Variants in CCNE1 observed in about 807,000 individuals in gnomAD.
CCNE1 encodes cyclin E1.
Under a neutral mutation model 54.1 loss-of-function variants are expected in CCNE1, and 8 were observed. The ratio of observed to expected loss-of-function variants is 0.15; its 90% CI spans 0.09 to 0.27. The LOEUF is 0.27. Ranked by LOEUF, CCNE1 falls within the 10% of genes least tolerant of loss-of-function variation. The probability of loss-of-function intolerance (pLI) is 1.00; values close to 1 mark genes in which losing one functional copy is unlikely to be tolerated. For missense variants in CCNE1, 430 were observed against 514.9 expected (o/e 0.84, Z 1.60); for synonymous variants, 179 against 185.2 (o/e 0.97, Z 0.27).
At chr19:29,821,670 A>C in intron 7 of CCNE1, 52 bp from the exon 8 acceptor site, 1 of 1,031,758 alleles carries the variant, frequency 9.7e-7, no homozygotes, top group South Asian at 1.3e-5. Flanking sequence ...TTATAAATTG[A>C]GACTGTTAGA....
chr19:29,816,885 ATG>A (rs1238211980), intron 4 of CCNE1, among the ~76,000 whole-genome samples: 1 of 132,258 alleles, frequency 7.6e-6, no homozygotes, highest in Non-Finnish European at 1.5e-5. Context: ...ATACTAATGA[ATG>A]TGAAGTGCTT....
At chr19:29,820,557 A>AC in intron 6 of CCNE1, 145 bp from the exon 7 acceptor site, 2 of 638,798 alleles carry the variant, frequency 3.1e-6, no homozygotes, top group African/African-American at 1.9e-5. Context: ...CAAAAAAAAA[A>AC]CAAAAAAACA....
chr19:29,817,043 C>A, intron 4 of CCNE1, 94 bp from the exon 5 acceptor site: 1 of 1,282,556 alleles, frequency 7.8e-7, no homozygotes, highest in Non-Finnish European at 1.1e-6. Flanking sequence ...TGCCTAGTAT[C>A]TTACTGAGTT....
intron 7 of CCNE1, among the ~76,000 whole-genome samples, chr19:29,821,250 G>A (rs939494987): frequency 2.0e-5 from 3 of 152,152 alleles, no homozygotes; most frequent in African/African-American, 7.2e-5. Flanking sequence ...AGCCAGGCGT[G>A]GTGGCACGTG....
chr19:29,812,898 TTCTCTTCTTCTC>T, intron 3 of CCNE1, 59 bp from the exon 4 acceptor site: 1 of 1,600,816 alleles, frequency 6.2e-7, no homozygotes, highest in Non-Finnish European at 8.6e-7. Flanking sequence ...CTGATCAGCT[TTCTCTTCTTCTC>T]TCTGTTTTTG....
intron 6 of CCNE1, among the ~76,000 whole-genome samples, chr19:29,819,256 G>T (rs1974096375): frequency 6.6e-6 from 1 of 151,442 alleles, no homozygotes; most frequent in Non-Finnish European, 1.5e-5. Flanking sequence ...TTTTTTTTAA[G>T]CATATTTTTA....
At chr19:29,812,910 C>G in intron 3 of CCNE1, 59 bp from the exon 4 acceptor site, 1 of 1,605,802 alleles carries the variant, frequency 6.2e-7, no homozygotes, top group Admixed American at 1.7e-5. Flanking sequence ...CTCTTCTTCT[C>G]TCTGTTTTTG....
At chr19:29,813,842 G>A (rs1973949951) in intron 4 of CCNE1, among the ~76,000 whole-genome samples, 6 of 152,170 alleles carry the variant, frequency 3.9e-5, no homozygotes, top group Admixed American at 3.9e-4. Context: ...GGCTCCAGTG[G>A]GGGAAGCAGC....
At position 29,817,556 on chromosome 19, in the gene CCNE1, T is replaced by A. The variant is rs1974053558; in HGVS notation, c.462+15T>A. Reference sequence around the variant, plus strand: ...GGTTAATGGAGGTGAGCTTGAGTCTTCCTGTTCGCTTCATGAAAGCACTGA... The same window carrying A: ...GGTTAATGGAGGTGAGCTTGAGTCTACCTGTTCGCTTCATGAAAGCACTGA... On this transcript the variant is annotated intron_variant, in intron 6 of 11. Transcript: ENST00000262643. 3.7e-6 allele frequency: 6 copies of A among 1,614,026 alleles called. No homozygotes were observed. Among genetic ancestry groups the A allele is most frequent in the Middle Eastern group, 1.6e-4 (1 of 6,084 alleles).
At chr19:29,814,712 C>T (rs1242448763) in intron 4 of CCNE1, among the ~76,000 whole-genome samples, 6 of 152,198 alleles carry the variant, frequency 3.9e-5, no homozygotes, top group Admixed American at 1.3e-4. Flanking sequence ...CCCAGTACGA[C>T]AGTCTTGAGC....
intron 11 of CCNE1, 42 bp from the exon 12 acceptor site, chr19:29,823,613 T>G (rs1974205694): frequency 6.5e-7 from 1 of 1,527,888 alleles, no homozygotes; most frequent in South Asian, 1.3e-5. Context: ...CCCAAGGATA[T>G]GTTCTACTCT....
chr19:29,819,874 G>C (rs1974109710), intron 6 of CCNE1, among the ~76,000 whole-genome samples: 4 of 152,232 alleles, frequency 2.6e-5, no homozygotes, highest in Admixed American at 2.6e-4. Context: ...AACTACAGAA[G>C]TACCCCTCAT....
chr19:29,821,871 T>C, intron 8 of CCNE1, 54 bp downstream of exon 8: 1 of 1,517,642 alleles, frequency 6.6e-7, no homozygotes, highest in East Asian at 2.3e-5. Context: ...GCAGATCTTT[T>C]CCACCTGAAG....
chr19:29,812,377 G>A (rs1481930022), intron 1 of CCNE1, among the ~76,000 whole-genome samples, 155 bp from the exon 2 acceptor site: 1 of 149,408 alleles, frequency 6.7e-6, no homozygotes, highest in African/African-American at 2.4e-5. Flanking sequence ...GCGGGACCCC[G>A]GGTCGGGGGT....
intron 6 of CCNE1, among the ~76,000 whole-genome samples, chr19:29,819,551 G>C (rs3218052): frequency 0.013 from 1,912 of 152,254 alleles, 44 homozygotes; most frequent in African/African-American, 0.044. Flanking sequence ...CAAAGTGCTG[G>C]GATTGCAGGT....
At chr19:29,814,119 G>A (rs1328741596) in intron 4 of CCNE1, among the ~76,000 whole-genome samples, 2 of 152,152 alleles carry the variant, frequency 1.3e-5, no homozygotes, top group Non-Finnish European at 2.9e-5. Context: ...AGAAAGGGTT[G>A]CTGATTTCCT....
intron 3 of CCNE1, 62 bp downstream of exon 3, chr19:29,812,838 G>T: frequency 2.5e-6 from 4 of 1,587,736 alleles, no homozygotes; most frequent in Non-Finnish European, 3.4e-6. Context: ...ACCCGACTTG[G>T]CTCTGCCTAC....
chr19:29,823,514 A>G, intron 11 of CCNE1, 141 bp from the exon 12 acceptor site: 1 of 585,824 alleles, frequency 1.7e-6, no homozygotes, highest in Non-Finnish European at 2.7e-6. Flanking sequence ...CCACCACTGT[A>G]CTACAGTCTG....
Position 29,823,916 on chromosome 19 carries a change from G to T in CCNE1, c.*139G>T, listed in dbSNP as rs1051213653. On this transcript the variant is annotated 3_prime_UTR_variant, in exon 12 of 12. Transcript: ENST00000262643. ...CTTCCACAACAGAAGTATTTCTGTGGATGGCATCAAACAGGGCAAAGTGTT... is the reference window on the plus strand; with the variant it reads ...CTTCCACAACAGAAGTATTTCTGTGTATGGCATCAAACAGGGCAAAGTGTT... 7 of 1,009,568 alleles carry T rather than the reference G, an allele frequency of 6.9e-6. No homozygotes were observed. The African/African-American group carries it at 1.1e-4, about 16-fold the overall frequency. 62.5% of individuals were successfully genotyped at this position (1,009,568 alleles called of 1,614,324 possible).
Sources: allele counts gnomAD v4.1 joint callset (sites outside exome capture counted in the v4.1 genomes callset), GRCh38; gene constraint gnomAD v4.1.1; transcripts MANE v1.5; gene names NCBI Gene and HGNC (gene_info 2026-07-23, HGNC 2026-07-21).